Variants in SHTN1 observed in about 807,000 individuals in gnomAD.
The protein encoded by SHTN1 is shootin 1, also known as shootin-1.
In SHTN1, 42 loss-of-function variants were observed where a neutral mutation model predicts 83.1. The observed-to-expected ratio is 0.51, with a 90% CI of 0.39 to 0.65. The LOEUF (loss-of-function observed/expected upper bound fraction) is 0.65. Ranked by LOEUF, SHTN1 falls within the 30% of genes least tolerant of loss-of-function variation. The pLI is 0.00. For missense variants in SHTN1, 622 were observed against 737.8 expected, an observed-to-expected ratio of 0.84 and a Z score of 1.82; for synonymous variants, 224 against 247.7, an observed-to-expected ratio of 0.90 and a Z score of 0.90.
intron 1 of SHTN1, among the ~76,000 whole-genome samples, chr10:117,085,168 T>C (rs1853332823): frequency 6.6e-6 from 1 of 152,200 alleles, no homozygotes; most frequent in African/African-American, 2.4e-5. Context: ...CTTAAATTTG[T>C]ATTATTTTTC....
At chr10:117,109,816 G>A (rs187397547) in intron 1 of SHTN1, among the ~76,000 whole-genome samples, 2 of 150,920 alleles carry the variant, frequency 1.3e-5, no homozygotes, top group Non-Finnish European at 3.0e-5. Context: ...CCACTGCCTC[G>A]GCCTCCCAAA....
At chr10:117,115,683 A>G (rs191549979) in intron 1 of SHTN1, among the ~76,000 whole-genome samples, 2 of 152,346 alleles carry the variant, frequency 1.3e-5, no homozygotes, top group Admixed American at 1.3e-4. Context: ...AAATTGTGAT[A>G]TACTCCACAG....
chr10:116,907,125 T>C (rs922189686), intron 14 of SHTN1, among the ~76,000 whole-genome samples: 1 of 152,176 alleles, frequency 6.6e-6, no homozygotes, highest in Non-Finnish European at 1.5e-5. Flanking sequence ...AGGAAATCTT[T>C]ATATGGCAGC....
At chr10:116,918,242 A>C (rs1217091236) in intron 12 of SHTN1, among the ~76,000 whole-genome samples, 1 of 152,164 alleles carries the variant, frequency 6.6e-6, no homozygotes, top group Non-Finnish European at 1.5e-5. Flanking sequence ...TTAGTGCTTC[A>C]AGGTCAGTCT....
intron 5 of SHTN1, among the ~76,000 whole-genome samples, chr10:116,952,697 A>C (rs1849818311): frequency 6.6e-6 from 1 of 152,228 alleles, no homozygotes; most frequent in African/African-American, 2.4e-5. Flanking sequence ...AATGTTTGAA[A>C]ATACACATAG....
chr10:116,989,459 T>C (rs1274192583), intron 1 of SHTN1, among the ~76,000 whole-genome samples: 3 of 152,164 alleles, frequency 2.0e-5, no homozygotes, highest in African/African-American at 4.8e-5. Context: ...TAAAGATAAT[T>C]AGGATGCAGG....
intron 4 of SHTN1, among the ~76,000 whole-genome samples, chr10:116,958,921 T>C (rs1264645579): frequency 6.6e-6 from 1 of 152,142 alleles, no homozygotes; most frequent in Non-Finnish European, 1.5e-5. Flanking sequence ...CTGCCAATCC[T>C]GAAAGGTAGC....
rs765786943 is a variant in SHTN1 at position 117,002,830 on chromosome 10, G to A, written c.58+2192C>T. Among the ~76,000 whole-genome samples, 6 of 152,268 alleles carry A rather than the reference G, an allele frequency of 3.9e-5. No homozygotes were observed. The East Asian group carries it at 1.2e-3, about 29-fold the overall frequency. On this transcript the variant is annotated intron_variant, in intron 1 of 16. Coordinates refer to ENST00000355371, the MANE Select transcript of SHTN1 (RefSeq NM_001127211.3). ...CTATCCCCAAAAGTGTACCTTTTAA[G>A]AAACACAACTTTGAATATCTAACTG...
At chr10:117,110,584 C>T (rs189601101) in intron 1 of SHTN1, among the ~76,000 whole-genome samples, 6 of 151,390 alleles carry the variant, frequency 4.0e-5, no homozygotes, top group Non-Finnish European at 8.8e-5. Context: ...TGGTCTCAAA[C>T]TCCTGAGCTC....
At chr10:116,999,830 T>TAG (rs1429492594) in intron 1 of SHTN1, among the ~76,000 whole-genome samples, 3 of 152,256 alleles carry the variant, frequency 2.0e-5, no homozygotes, top group South Asian at 4.1e-4. Flanking sequence ...GAAGAATTGC[T>TAG]TGAACCTGGG....
chr10:117,039,323 T>A (rs1440197744), intron 2 of SHTN1, among the ~76,000 whole-genome samples: 2 of 152,010 alleles, frequency 1.3e-5, no homozygotes, highest in African/African-American at 4.8e-5. Flanking sequence ...CCAGAGGTAA[T>A]GGGGTGGTGA....
At position 116,886,532 on chromosome 10, in the gene SHTN1, T is replaced by G; in HGVS notation, c.1708A>C (p.Ile570Leu). The G allele has an allele frequency of 6.2e-7, 1 of 1,614,188 alleles. No homozygotes were observed. The highest frequency in any genetic ancestry group is 8.5e-7 in the Non-Finnish European group (1 of 1,180,042). The change falls in exon 17 of 17, where the codon ATT becomes CTT. Residue 570 changes from isoleucine to leucine, a missense_variant. Coordinates refer to ENST00000355371, the MANE Select transcript of SHTN1 (RefSeq NM_001127211.3). ...GGTTCGGCTTGTTTTTCACCGTCAA[T>G]GTATTTTTTCCTGCATCCAATGCTA... The part of the protein sequence containing the change: ...PSSIGCRKKY[I>L]DGEKQAEPVV...
intron 15 of SHTN1, 92 bp downstream of exon 15, chr10:116,906,535 C>T: frequency 7.8e-7 from 1 of 1,288,800 alleles, no homozygotes; most frequent in Non-Finnish European, 1.0e-6. Flanking sequence ...TTTAATAATA[C>T]TTTTTAAAAG....
Position 116,883,238 on chromosome 10 carries a change from C to T in SHTN1, c.*3106G>A, listed in dbSNP as rs1248526027. On this transcript the variant is annotated 3_prime_UTR_variant, in exon 17 of 17. Transcript: ENST00000355371. ...TTTAAATTTCTTAGGGTGCTAGGCA[C>T]TCTTTCTACTTATACTTTCTCTCTC... 1 of 152,124 alleles carries T rather than the reference C, an allele frequency of 6.6e-6. No homozygotes were observed. The highest frequency in any genetic ancestry group is 2.4e-5 in the African/African-American group (1 of 41,444). 9.4% of individuals were successfully genotyped at this position (152,124 alleles called of 1,614,324 possible).
At chr10:117,076,142 C>T (rs965884348) in intron 1 of SHTN1, among the ~76,000 whole-genome samples, 1 of 148,512 alleles carries the variant, frequency 6.7e-6, no homozygotes, top group East Asian at 2.0e-4. Flanking sequence ...GAGATTGTTC[C>T]ACTGCACTCC....
chr10:117,103,837 A>G (rs574760241), intron 1 of SHTN1, among the ~76,000 whole-genome samples: 15 of 152,218 alleles, frequency 9.9e-5, no homozygotes, highest in Admixed American at 2.0e-4. Context: ...CACACGGCCA[A>G]TGTTTTCTTT....
chr10:117,020,597 C>CT (rs1852246598), intron 2 of SHTN1, among the ~76,000 whole-genome samples: 3 of 151,360 alleles, frequency 2.0e-5, no homozygotes, highest in African/African-American at 7.3e-5. Context: ...AACAGAATGC[C>CT]TGAATATTGA....
At chr10:117,079,424 T>C (rs1327329057) in intron 1 of SHTN1, among the ~76,000 whole-genome samples, 23 of 123,368 alleles carry the variant, frequency 1.9e-4, no homozygotes, top group African/African-American at 6.6e-4. Flanking sequence ...ATTTTCTTAA[T>C]CCAGTCTATC....
intron 2 of SHTN1, among the ~76,000 whole-genome samples, chr10:116,969,105 C>T (rs1364425058): frequency 2.0e-5 from 3 of 152,188 alleles, no homozygotes; most frequent in South Asian, 2.1e-4. Flanking sequence ...CTACCCAGAA[C>T]ATTGGTGCAT....
Sources: allele counts gnomAD v4.1 joint callset (sites outside exome capture counted in the v4.1 genomes callset), GRCh38; gene constraint gnomAD v4.1.1; transcripts MANE v1.5; gene names NCBI Gene and HGNC (gene_info 2026-07-23, HGNC 2026-07-21).